The following VDR variants were observed in gnomAD, a reference collection of about 807,000 sequenced individuals.
VDR encodes vitamin D3 receptor.
In VDR, 19 loss-of-function variants were observed where a neutral mutation model predicts 39.7. The observed-to-expected ratio is 0.48, with a 90% CI of 0.33 to 0.70. The LOEUF (loss-of-function observed/expected upper bound fraction) is 0.70, where lower values mean the gene tolerates loss of function less well. Among genes scored for constraint, VDR ranks in the 30% least tolerant of loss-of-function variants. The pLI is 0.02. For missense variants in VDR, 442 were observed against 570.5 expected (o/e 0.77, Z 2.29); for synonymous variants, 242 against 215.8 (o/e 1.12, Z -1.07).
intron 1 of VDR, among the ~76,000 whole-genome samples, chr12:47,896,434 T>C (rs1048986837): frequency 6.6e-6 from 1 of 152,100 alleles, no homozygotes. Flanking sequence ...AGAGACAGGA[T>C]TCAGATCTGT....
intron 3 of VDR, among the ~76,000 whole-genome samples, chr12:47,869,721 C>T: frequency 6.6e-6 from 1 of 151,970 alleles, no homozygotes; most frequent in East Asian, 1.9e-4. Context: ...ATGGTGAAAC[C>T]CTGTATCTAC....
intron 3 of VDR, among the ~76,000 whole-genome samples, chr12:47,871,012 G>A (rs1006642888): frequency 2.0e-5 from 3 of 152,180 alleles, no homozygotes. Flanking sequence ...GGCAGCATCA[G>A]GGGGTTCTCC....
chr12:47,904,298 AC>A lies in VDR; in HGVS notation c.-84+656del, dbSNP rs1412088696. On this transcript the variant is annotated intron_variant, in intron 1 of 9. Transcript: ENST00000549336. The stretch of plus-strand genomic sequence containing the variant: ...ATACTTCTGAATCTTCCTCACCACC[AC>A]CCACAGATCCAGGGCACCTCACTTT... Among the ~76,000 whole-genome samples, 4 of 151,796 alleles carry A rather than the reference AC, an allele frequency of 2.6e-5. No individual in the cohort carries two copies. In the East Asian group the frequency reaches 5.8e-4, roughly 22 times the overall value.
At chr12:47,903,543 ACAC>A (rs1443329330) in intron 1 of VDR, among the ~76,000 whole-genome samples, 1 of 152,204 alleles carries the variant, frequency 6.6e-6, no homozygotes, top group Non-Finnish European at 1.5e-5. Context: ...GTCTCTCAAC[ACAC>A]AACACTCTTA....
intron 1 of VDR, among the ~76,000 whole-genome samples, chr12:47,886,293 C>T (rs536303615): frequency 1.8e-4 from 27 of 152,340 alleles, no homozygotes; most frequent in South Asian, 6.2e-4. Context: ...GTTTCATCAT[C>T]CATTAAACTC....
intron 4 of VDR, among the ~76,000 whole-genome samples, chr12:47,861,275 T>A (rs1945620457): frequency 6.6e-6 from 1 of 152,246 alleles, no homozygotes; most frequent in African/African-American, 2.4e-5. Context: ...TTACCCACTT[T>A]AAAGAGACAA....
chr12:47,846,300 C>G (rs766497585), intron 9 of VDR, 35 bp downstream of exon 9: 2 of 1,591,808 alleles, frequency 1.3e-6, no homozygotes, highest in Non-Finnish European at 1.7e-6. Context: ...CCCCGCTCCC[C>G]AGGTCCCTGA....
intron 3 of VDR, among the ~76,000 whole-genome samples, chr12:47,865,837 A>C (rs967490983): frequency 2.4e-4 from 34 of 141,158 alleles, no homozygotes; most frequent in Non-Finnish European, 2.2e-4. Context: ...CTCAGCCTCC[A>C]GAGTAGCTGG....
chr12:47,850,023 C>A (rs1945355371), intron 7 of VDR, among the ~76,000 whole-genome samples: 1 of 151,944 alleles, frequency 6.6e-6, no homozygotes, highest in African/African-American at 2.4e-5. Flanking sequence ...GCTAATTTTT[C>A]TATTTTTAGT....
In VDR at chr12:47,844,878, G is replaced by T. The variant is rs753086299; in HGVS notation, c.1152C>A (p.Ile384=). 3.9e-5 allele frequency: 63 copies of T among 1,614,182 alleles called. No individual in the cohort carries two copies. In the East Asian group the frequency reaches 1.3e-3, roughly 34 times the overall value. The change falls in exon 10 of 10, where the codon ATC becomes ATA. Residue 384 remains isoleucine (I), a synonymous_variant. Transcript: ENST00000549336. The stretch of plus-strand genomic sequence containing the variant: ...GGCTGCGCAGGTCGGCTAGCTTCTG[G>T]ATCATCTTGGCATAGAGCAGGTGGC... ...PGSHLLYAKM[I]QKLADLRSLN...
intron 3 of VDR, among the ~76,000 whole-genome samples, chr12:47,878,396 C>T (rs1946051489): frequency 6.6e-6 from 1 of 152,202 alleles, no homozygotes; most frequent in Non-Finnish European, 1.5e-5. Flanking sequence ...AAGAAACTGG[C>T]CCTGATCAAA....
At chr12:47,898,529 T>C (rs1946503084) in intron 1 of VDR, 1 of 153,758 alleles carries the variant, frequency 6.5e-6, no homozygotes, top group South Asian at 2.0e-4. Flanking sequence ...GAAATTCTTG[T>C]GAGTTTCTCA....
At chr12:47,865,719 T>G (rs1945719265) in intron 3 of VDR, among the ~76,000 whole-genome samples, 1 of 148,510 alleles carries the variant, frequency 6.7e-6, no homozygotes, top group Non-Finnish European at 1.5e-5. Flanking sequence ...CGACTCTTTT[T>G]TTTTTTTTTT....
chr12:47,894,148 G>A (rs1330842458), intron 1 of VDR, among the ~76,000 whole-genome samples: 1 of 152,188 alleles, frequency 6.6e-6, no homozygotes, highest in African/African-American at 2.4e-5. Flanking sequence ...TTAAACCACA[G>A]GGTACTTTCC....
chr12:47,895,516 T>C lies in VDR; in HGVS notation c.-84+9439A>G, dbSNP rs973044708. 2.0e-5 allele frequency among the ~76,000 whole-genome samples: 3 copies of C among 152,314 alleles called. No homozygotes were observed. In the South Asian group the frequency reaches 6.2e-4, roughly 32 times the overall value. On this transcript the variant is annotated intron_variant, in intron 1 of 9. Transcript: ENST00000549336. ...AACACTCTGTATTATAAAGCTATTA[T>C]CACATTCTGGGAGGGGTACCTTCTA...
intron 4 of VDR, among the ~76,000 whole-genome samples, chr12:47,859,910 CTTCCTTCTTTCTTTTTCTTTCT>C (rs1424104820): frequency 0.014 from 654 of 45,504 alleles, 18 homozygotes; most frequent in South Asian, 0.028. Context: ...TCCTTCCTTC[CTTCCTTCTTTCTTTTTCTTTCT>C]TTCTTTCTTT....
At chr12:47,882,868 G>A in intron 1 of VDR, 94 bp from the exon 2 acceptor site, 1 of 979,180 alleles carries the variant, frequency 1.0e-6, no homozygotes, top group Non-Finnish European at 1.5e-6. Flanking sequence ...TCTTTCCAGG[G>A]ACTTTAGTCC....
chr12:47,896,379 G>A (rs2137244271), intron 1 of VDR, among the ~76,000 whole-genome samples: 1 of 152,260 alleles, frequency 6.6e-6, no homozygotes, highest in South Asian at 2.1e-4. Context: ...CATCTAGTGA[G>A]TATATCTGTG....
chr12:47,850,305 T>A (rs1318817521), intron 7 of VDR, among the ~76,000 whole-genome samples: 1 of 152,254 alleles, frequency 6.6e-6, no homozygotes, highest in Non-Finnish European at 1.5e-5. Flanking sequence ...GAGGGTTGCA[T>A]GATGTTACAT....
Sources: allele counts gnomAD v4.1 joint callset (sites outside exome capture counted in the v4.1 genomes callset), GRCh38; gene constraint gnomAD v4.1.1; transcripts MANE v1.5; gene names NCBI Gene and HGNC (gene_info 2026-07-23, HGNC 2026-07-21).